Variants in BRMS1L observed in about 807,000 individuals in gnomAD.
The protein encoded by BRMS1L is BRMS1 like transcriptional repressor, also known as breast cancer metastasis-suppressor 1-like protein.
Under a neutral mutation model 50.3 loss-of-function variants are expected in BRMS1L, and 23 were observed. The observed-to-expected ratio is 0.46, with a 90% CI of 0.33 to 0.65. The LOEUF (loss-of-function observed/expected upper bound fraction) is 0.65, where lower values mean the gene tolerates loss of function less well. BRMS1L is among the 30% of genes least tolerant of loss of function. The pLI is 0.02. For missense variants in BRMS1L, 286 were observed against 386.1 expected, an observed-to-expected ratio of 0.74 and a Z score of 2.17; for synonymous variants, 114 against 126.9, an observed-to-expected ratio of 0.90 and a Z score of 0.69.
chr14:35,861,839 T>C (rs2078355713), intron 4 of BRMS1L, among the ~76,000 whole-genome samples: 1 of 152,228 alleles, frequency 6.6e-6, no homozygotes, highest in Admixed American at 6.5e-5. Context: ...AATTATCTAA[T>C]ATCCTTCACT....
chr14:35,863,994 G>A, intron 6 of BRMS1L, 41 bp downstream of exon 6: 1 of 1,526,370 alleles, frequency 6.6e-7, no homozygotes, highest in Non-Finnish European at 9.1e-7. Context: ...TCCTTGATGT[G>A]CGTTTTTCCA....
chr14:35,850,446 T>G (rs1332358804), intron 4 of BRMS1L, among the ~76,000 whole-genome samples: 1 of 152,066 alleles, frequency 6.6e-6, no homozygotes, highest in African/African-American at 2.4e-5. Context: ...TCCACCTGCC[T>G]CAGCCTCCCA....
In BRMS1L at chr14:35,866,082, C is replaced by T. The variant is rs560024157; in HGVS notation, c.727+321C>T. The T allele has an allele frequency of 1.5e-3, 354 of 230,888 alleles. 4 individuals carry two copies. The highest frequency in any genetic ancestry group is 0.012 in the Middle Eastern group (8 of 674). 14.3% of individuals were successfully genotyped at this position (230,888 alleles called of 1,614,324 possible). ...GTATTTGGAATTTGTGGATTGGCTTCAGAGATTCTGTGAATCCTCTGAAAT... is the reference window on the plus strand; with the variant it reads ...GTATTTGGAATTTGTGGATTGGCTTTAGAGATTCTGTGAATCCTCTGAAAT... On this transcript the variant is annotated intron_variant, in intron 8 of 9. Coordinates refer to ENST00000216807, the MANE Select transcript of BRMS1L (RefSeq NM_032352.4).
chr14:35,829,821 G>A, intron 1 of BRMS1L: 1 of 1,254,434 alleles, frequency 8.0e-7, no homozygotes, highest in Non-Finnish European at 1.0e-6. Flanking sequence ...TGAAGATCAA[G>A]ATGCAGATCA....
intron 4 of BRMS1L, among the ~76,000 whole-genome samples, chr14:35,844,082 G>T (rs146253824): frequency 6.6e-6 from 1 of 152,322 alleles, no homozygotes; most frequent in African/African-American, 2.4e-5. Context: ...TGCTGTGCTG[G>T]CAGTGAGAAT....
intron 4 of BRMS1L, among the ~76,000 whole-genome samples, chr14:35,855,403 T>C (rs891574082): frequency 2.6e-5 from 4 of 152,196 alleles, no homozygotes; most frequent in African/African-American, 9.7e-5. Flanking sequence ...AACTTTATTT[T>C]CTTAGAGTTT....
At chr14:35,862,139 C>T (rs970164078) in intron 4 of BRMS1L, among the ~76,000 whole-genome samples, 6 of 151,886 alleles carry the variant, frequency 4.0e-5, no homozygotes, top group African/African-American at 1.2e-4. Context: ...TTCTCTTTGC[C>T]TATTTTAATA....
chr14:35,827,715 C>T (rs1459575744), intron 1 of BRMS1L, among the ~76,000 whole-genome samples: 1 of 152,166 alleles, frequency 6.6e-6, no homozygotes, highest in East Asian at 1.9e-4. Context: ...CATAAGTCAC[C>T]ACTTGATTAA....
chr14:35,839,667 CTGTT>C lies in BRMS1L; in HGVS notation c.441+4748_441+4751del, dbSNP rs532114133. 4.9e-4 allele frequency among the ~76,000 whole-genome samples: 75 copies of C among 152,250 alleles called. 1 individual carries two copies. The highest frequency in any genetic ancestry group is 1.6e-3 in the African/African-American group (66 of 41,532). On this transcript the variant is annotated intron_variant, in intron 4 of 9. Coordinates refer to ENST00000216807, the MANE Select transcript of BRMS1L (RefSeq NM_032352.4). ...GGGAGTTCACTCATGATTTGGGTCT[CTGTT>C]TGTCTATTATTGGTGTATAGGAATG...
chr14:35,855,331 A>G (rs1364638386), intron 4 of BRMS1L, among the ~76,000 whole-genome samples: 7 of 152,100 alleles, frequency 4.6e-5, no homozygotes, highest in Admixed American at 2.0e-4. Context: ...TTCTTCAACA[A>G]TTCTCCCACC....
chr14:35,843,748 C>T (rs996130515), intron 4 of BRMS1L, among the ~76,000 whole-genome samples: 7 of 152,248 alleles, frequency 4.6e-5, no homozygotes, highest in Admixed American at 3.9e-4. Context: ...TTAGAGCTGG[C>T]AGGCAGGAAT....
chr14:35,857,907 G>GTT (rs1238873941), intron 4 of BRMS1L, among the ~76,000 whole-genome samples: 5 of 120,512 alleles, frequency 4.1e-5, no homozygotes, highest in African/African-American at 1.2e-4. Context: ...TCCTAATGCT[G>GTT]TTTTTTTTTT....
intron 4 of BRMS1L, among the ~76,000 whole-genome samples, chr14:35,861,017 C>G (rs1350896486): frequency 6.6e-6 from 1 of 152,166 alleles, no homozygotes; most frequent in Non-Finnish European, 1.5e-5. Flanking sequence ...CAGGTATCTT[C>G]TAGCTGTTCC....
At chr14:35,844,459 T>C (rs886589528) in intron 4 of BRMS1L, among the ~76,000 whole-genome samples, 2 of 152,220 alleles carry the variant, frequency 1.3e-5, no homozygotes, top group Non-Finnish European at 2.9e-5. Context: ...CAACACCTTA[T>C]GCTTCCCAGG....
intron 4 of BRMS1L, among the ~76,000 whole-genome samples, chr14:35,846,813 T>A (rs547831147): frequency 6.6e-6 from 1 of 152,330 alleles, no homozygotes; most frequent in African/African-American, 2.4e-5. Flanking sequence ...ACTTTGAAAC[T>A]ATGCAAATAC....
chr14:35,870,483 ATT>A lies in BRMS1L; in HGVS notation c.*8_*9del. The A allele has an allele frequency of 6.5e-7, 1 of 1,539,444 alleles. No homozygotes were observed. Among genetic ancestry groups the A allele is most frequent in the South Asian group, 1.2e-5 (1 of 86,464 alleles). ...ATTCAATTAAACATTCATAATCATG[ATT>A]TAAGTGTTATCTAAATTTACCTTAT... On this transcript the variant is annotated 3_prime_UTR_variant, in exon 10 of 10. Transcript: ENST00000216807.
chr14:35,842,034 T>C (rs1351880815), intron 4 of BRMS1L, among the ~76,000 whole-genome samples: 1 of 149,984 alleles, frequency 6.7e-6, no homozygotes, highest in Non-Finnish European at 1.5e-5. Flanking sequence ...ATTTGCTTGG[T>C]AAATATTCCT....
At chr14:35,833,128 C>T (rs1243333621) in intron 3 of BRMS1L, 23 bp downstream of exon 3, 4 of 1,597,792 alleles carry the variant, frequency 2.5e-6, no homozygotes, top group African/African-American at 1.3e-5. Flanking sequence ...AGAATCTTTT[C>T]CATATATAGA....
In BRMS1L at chr14:35,853,417, T is replaced by A. The variant is rs2078239431; in HGVS notation, c.442-9173T>A. 1.3e-5 allele frequency among the ~76,000 whole-genome samples: 2 copies of A among 151,960 alleles called. 1 individual carries two copies. Among genetic ancestry groups the A allele is most frequent in the Admixed American group, 1.3e-4 (2 of 15,254 alleles). ...ATGATGTTAATGATGATGATGATGATGATAATGATGATTTTTTGAGACAGG... is the reference window on the plus strand; with the variant it reads ...ATGATGTTAATGATGATGATGATGAAGATAATGATGATTTTTTGAGACAGG... On this transcript the variant is annotated intron_variant, in intron 4 of 9. Transcript: ENST00000216807.
Sources: gnomAD v4.1 joint callset for allele counts (sites outside exome capture counted in the v4.1 genomes callset) on GRCh38, gnomAD v4.1.1 for gene constraint, MANE v1.5 for transcripts, NCBI Gene and HGNC (gene_info 2026-07-23, HGNC 2026-07-21) for gene names.